ADGRE1: variants seen among roughly 807,000 people sequenced by gnomAD.
ADGRE1 encodes adhesion G protein-coupled receptor E1, also known as EGF-like module receptor 1.
A neutral mutation model predicts 102.7 loss-of-function variants in ADGRE1; 82 were observed. That is an observed-to-expected ratio of 0.80 (90% CI 0.67 to 0.96). The LOEUF is 0.96. Among genes scored for constraint, ADGRE1 ranks in the 40% least tolerant of loss-of-function variants. The pLI, the probability that ADGRE1 is intolerant of heterozygous loss-of-function variation, is 0.00. For synonymous variants in ADGRE1, 398 were observed against 399.6 expected, an observed-to-expected ratio of 1.00 and a Z score of 0.05; for missense variants, 1,032 against 1,085.3, an observed-to-expected ratio of 0.95 and a Z score of 0.69.
At chr19:6,930,870 C>T (rs1767209489) in intron 17 of ADGRE1, among the ~76,000 whole-genome samples, 1 of 152,052 alleles carries the variant, frequency 6.6e-6, no homozygotes, top group South Asian at 2.1e-4. Flanking sequence ...AATTCATGAC[C>T]TCAGGTGACC....
At chr19:6,896,826 T>C in intron 3 of ADGRE1, 2 of 483,448 alleles carry the variant, frequency 4.1e-6, no homozygotes, top group Non-Finnish European at 7.3e-6. Flanking sequence ...TCTTTGATCA[T>C]GTAAATAATT....
At chr19:6,912,083 AACAC>A (rs1285020049) in intron 10 of ADGRE1, among the ~76,000 whole-genome samples, 8 of 151,914 alleles carry the variant, frequency 5.3e-5, no homozygotes, top group African/African-American at 1.7e-4. Context: ...CACATACACA[AACAC>A]ACATATATAC....
intron 9 of ADGRE1, among the ~76,000 whole-genome samples, chr19:6,907,701 G>A (rs763983156): frequency 7.2e-5 from 11 of 151,966 alleles, no homozygotes; most frequent in Non-Finnish European, 1.3e-4. Flanking sequence ...ACTAGCCCAT[G>A]GCAAACACTA....
chr19:6,923,041 T>C (rs965484030), intron 14 of ADGRE1, among the ~76,000 whole-genome samples: 6 of 152,074 alleles, frequency 3.9e-5, no homozygotes, highest in African/African-American at 9.7e-5. Context: ...CATGCCACTG[T>C]ACTCCAGCCT....
rs1049901730 is a variant in ADGRE1, at chr19:6,922,817, C to T, written c.1791+934C>T. The stretch of plus-strand genomic sequence containing the variant: ...CTTTCACCTGGCTCGGTGGCTCACG[C>T]CTGTAATGCCAGCACTTCGGGAGGC... On this transcript the variant is annotated intron_variant, in intron 14 of 20. Transcript: ENST00000312053. Among the ~76,000 whole-genome samples, 7 of 152,122 alleles carry T rather than the reference C, an allele frequency of 4.6e-5. 1 individual carries two copies. The highest frequency in any genetic ancestry group is 1.7e-4 in the African/African-American group (7 of 41,432).
At chr19:6,934,419 C>CTTTTTTTTTTTT (rs71177132) in intron 17 of ADGRE1, among the ~76,000 whole-genome samples, 3 of 95,452 alleles carry the variant, frequency 3.1e-5, no homozygotes, top group Admixed American at 1.0e-4. Context: ...TCTTCTTCTT[C>CTTTTTTTTTTTT]TTTTTTTTTT....
At chr19:6,894,382 G>A (rs551551608) in intron 2 of ADGRE1, among the ~76,000 whole-genome samples, 8 of 152,218 alleles carry the variant, frequency 5.3e-5, no homozygotes, top group South Asian at 2.1e-4. Context: ...AAGCAGTCAC[G>A]GTTTTGATGA....
chr19:6,897,060 T>G, intron 3 of ADGRE1, 89 bp from the exon 4 acceptor site: 1 of 1,320,086 alleles, frequency 7.6e-7, no homozygotes, highest in Non-Finnish European at 1.0e-6. Flanking sequence ...GGATGGGAGA[T>G]ATTGTTTTAA....
chr19:6,932,038 T>C (rs1975175759), intron 17 of ADGRE1, among the ~76,000 whole-genome samples: 1 of 152,170 alleles, frequency 6.6e-6, no homozygotes, highest in African/African-American at 2.4e-5. Flanking sequence ...GGGTATTTCC[T>C]AAAATCAAGA....
rs1974558513 is a variant in ADGRE1 at position 6,919,684 on chromosome 19, A to G, written c.1557A>G (p.Ile519Met). The G allele has an allele frequency of 7.4e-6, 12 of 1,613,328 alleles. No individual in the cohort carries two copies. The highest frequency in any genetic ancestry group is 3.3e-4 in the Middle Eastern group (2 of 6,080). Residue 519 changes from isoleucine to methionine, a missense_variant, in exon 13 of 21, where the codon ATA (isoleucine) becomes ATG (methionine). By Grantham distance (10) the Ile-to-Met change is conservative (BLOSUM62 1). Transcript: ENST00000312053. Reference sequence around the variant, plus strand: ...TGAATTCTCGAGTCGTTGGGGGCATAATGACTGGAGAGAAGAAAGACGGCT... The same window carrying G: ...TGAATTCTCGAGTCGTTGGGGGCATGATGACTGGAGAGAAGAAAGACGGCT... ...LKMNSRVVGG[I>M]MTGEKKDGFS...
intron 13 of ADGRE1, among the ~76,000 whole-genome samples, chr19:6,921,415 C>G (rs1727700537): frequency 6.6e-6 from 1 of 152,120 alleles, no homozygotes; most frequent in Non-Finnish European, 1.5e-5. Context: ...GAGTGAGACT[C>G]TGTCACACAC....
intron 2 of ADGRE1, among the ~76,000 whole-genome samples, chr19:6,890,995 A>C (rs1340570245): frequency 6.6e-6 from 1 of 152,182 alleles, no homozygotes; most frequent in African/African-American, 2.4e-5. Flanking sequence ...TGGATAAAGG[A>C]AGAAAGACAT....
At chr19:6,927,260 C>T (rs1568360983) in intron 16 of ADGRE1, among the ~76,000 whole-genome samples, 2 of 135,032 alleles carry the variant, frequency 1.5e-5, no homozygotes, top group Non-Finnish European at 3.2e-5. Context: ...CTCCCTCCCT[C>T]CCTTCCTTCC....
chr19:6,895,131 T>A (rs372203879), intron 2 of ADGRE1: 2 of 152,228 alleles, frequency 1.3e-5, no homozygotes, highest in East Asian at 3.8e-4. Context: ...GCCTCTCCAA[T>A]CTTAGGCGTG....
intron 11 of ADGRE1, among the ~76,000 whole-genome samples, chr19:6,914,364 G>A (rs1284247579): frequency 6.6e-6 from 1 of 152,212 alleles, no homozygotes; most frequent in Non-Finnish European, 1.5e-5. Flanking sequence ...ATTTACAATA[G>A]ACCCAAAGCA....
rs1974563430 is a variant in ADGRE1 at position 6,919,765 on chromosome 19, T to C, written c.1620+18T>C. The C allele has an allele frequency of 6.2e-7, 1 of 1,608,916 alleles. No individual in the cohort carries two copies. On this transcript the variant is annotated intron_variant, in intron 13 of 20. Coordinates refer to ENST00000312053, the MANE Select transcript of ADGRE1 (RefSeq NM_001974.5). ...ACATTCAGGTTTGTGAAGAGGTCTC[T>C]ACTGAGATTCTTGTCTACCTGTTGG...
In ADGRE1 at chr19:6,903,833, T is replaced by A; in HGVS notation, c.685T>A (p.Cys229Ser). The A allele has an allele frequency of 6.2e-7, 1 of 1,614,150 alleles. No homozygotes were observed. The highest frequency in any genetic ancestry group is 8.5e-7 in the Non-Finnish European group (1 of 1,179,996). ...CEDIDECTEMCPINSTCTNTP... is the reference protein window; with the variant it reads ...CEDIDECTEMSPINSTCTNTP... ...AGATATTGATGAATGCACTGAAATG[T>A]GCCCCATCAATTCAACATGCACCAA... Residue 229 changes from cysteine to serine, a missense_variant, in exon 7 of 21, where the codon TGC (cysteine) becomes AGC (serine). Cys to Ser is a moderately radical substitution (Grantham distance 112, BLOSUM62 -1). Transcript: ENST00000312053.
In ADGRE1 at chr19:6,921,738, T is replaced by C. The variant is rs530403566; in HGVS notation, c.1646T>C (p.Ile549Thr). 6.2e-6 allele frequency: 10 copies of C among 1,610,040 alleles called. 1 individual carries two copies. In the South Asian group the frequency reaches 9.9e-5, roughly 16 times the overall value. Residue 549 changes from isoleucine to threonine, a missense_variant, in exon 14 of 21, where the codon ATC becomes ACC. Ile to Thr is a moderately conservative substitution (Grantham distance 89). Transcript: ENST00000312053. ...IQPKQKFERP[I>T]CVSWSTDVKG... ...CCAAAGCAGAAGTTTGAGAGGCCCA[T>C]CTGTGTTTCCTGGAGCACTGATGTG...
intron 6 of ADGRE1, 28 bp downstream of exon 6, chr19:6,902,049 A>T: frequency 3.1e-6 from 5 of 1,613,750 alleles, no homozygotes; most frequent in Non-Finnish European, 4.2e-6. Flanking sequence ...CTGAGAAGTC[A>T]GGTCCAAGTC....
Sources: allele counts gnomAD v4.1 joint callset (sites outside exome capture counted in the v4.1 genomes callset), GRCh38; gene constraint gnomAD v4.1.1; transcripts MANE v1.5; gene names NCBI Gene and HGNC (gene_info 2026-07-23, HGNC 2026-07-21).